Variants in RBP5 observed in about 807,000 individuals in gnomAD.
The protein encoded by RBP5 is retinol-binding protein 5.
RBP5 carries 12 observed loss-of-function variants against 17.8 expected under a neutral mutation model. The ratio of observed to expected loss-of-function variants is 0.67; its 90% CI spans 0.43 to 1.09. The LOEUF (loss-of-function observed/expected upper bound fraction) is 1.09. Ranked by LOEUF, RBP5 falls within the 50% of genes least tolerant of loss-of-function variation. The pLI, the probability that RBP5 is intolerant of heterozygous loss-of-function variation, is 0.00. For missense variants in RBP5, 172 were observed against 169.4 expected (o/e 1.02, Z -0.09); for synonymous variants, 64 against 68.1 (o/e 0.94, Z 0.30).
downstream of RBP5, among the ~76,000 whole-genome samples, chr12:7,119,890 G>A (rs930620657): frequency 1.3e-5 from 2 of 152,224 alleles, no homozygotes; most frequent in Admixed American, 1.3e-4. Context: ...GTAATAGGTG[G>A]CATTTCATGC....
chr12:7,126,988 ATTTTTTTT>A (rs35155124), intron 2 of RBP5, among the ~76,000 whole-genome samples: 3 of 86,514 alleles, frequency 3.5e-5, no homozygotes, highest in African/African-American at 4.6e-5. Context: ...GTACTTTTGT[ATTTTTTTT>A]TTTTTTTTTT....
chr12:7,126,510 G>GGTGGTGTGTGTGTGTGT (rs751535528), intron 2 of RBP5, among the ~76,000 whole-genome samples: 5 of 131,022 alleles, frequency 3.8e-5, no homozygotes, highest in African/African-American at 1.4e-4. Context: ...TGGTGGTGGT[G>GGTGGTGTGTGTGTGTGT]GTGTGTGTGT....
At chr12:7,120,179 C>G (rs767519932), downstream of RBP5, among the ~76,000 whole-genome samples, 3 of 152,154 alleles carry the variant, frequency 2.0e-5, no homozygotes, top group East Asian at 5.8e-4. Flanking sequence ...TCAAGAAGCC[C>G]TTGAGAAAGA....
intron 3 of RBP5, chr12:7,118,181 C>T (rs11053570): frequency 0.029 from 4,397 of 152,300 alleles, 97 homozygotes; most frequent in Non-Finnish European, 0.041. Context: ...CACCTGGCTG[C>T]CCCTTCACCT....
rs781740169 is a variant in RBP5, at chr12:7,128,242, G to A, written c.250C>T (p.Gln84Ter). The change falls in exon 2 of 4, where the codon CAG (glutamine) becomes TAG (stop). Residue 84 changes from glutamine (Q) to a stop codon, truncating the protein, a stop_gained and splice_region_variant. Coordinates refer to ENST00000266560, the MANE Select transcript of RBP5 (RefSeq NM_031491.4). LOFTEE classifies it high-confidence loss of function. This position sits in a 1 kb window ranked among gnomAD's most constrained non-coding sequence, Gnocchi z 5.3. The stretch of plus-strand genomic sequence containing the variant: ...CCGCCCAGCCAGGGGAAATGTACCT[G>A]GCATTTTCGTCCGTCCACGCTCCTG... ...DLRSVDGRKCQTIVTWEEEHL... is the reference protein window; with the variant it reads ...DLRSVDGRKC The A allele has an allele frequency of 2.5e-5, 40 of 1,608,668 alleles. No homozygotes were observed. The highest frequency in any genetic ancestry group is 2.8e-5 in the Non-Finnish European group (33 of 1,176,314).
upstream of RBP5, chr12:7,129,474 A>T: frequency 3.3e-6 from 1 of 305,280 alleles, no homozygotes; most frequent in Non-Finnish European, 4.8e-6. The surrounding 1 kb of genome is among the most constrained non-coding windows in gnomAD (Gnocchi z 5.5). Flanking sequence ...AGGGGTGCTG[A>T]GTTCAAAGTC....
At position 7,128,284 on chromosome 12, in the gene RBP5, C is replaced by G. The variant is rs7969705; in HGVS notation, c.208G>C (p.Glu70Gln). Residue 70 changes from glutamate (E) to glutamine (Q), a missense_variant, in exon 2 of 4, where the codon GAG becomes CAG. Glu to Gln is a conservative substitution (Grantham distance 29). Transcript: ENST00000266560. The surrounding 1 kb of genome is among the most constrained non-coding windows in gnomAD (Gnocchi z 5.3). ...NYTVQFDVGV[E>Q]FEEDLRSVDG... ...ACGCTCCTGAGGTCCTCCTCAAACTCCACTCCCACATCAAACTGCACAGTG... is the reference window on the plus strand; with the variant it reads ...ACGCTCCTGAGGTCCTCCTCAAACTGCACTCCCACATCAAACTGCACAGTG... 0.088 allele frequency: 142,545 copies of G among 1,613,982 alleles called. 7,468 individuals carry two copies. Among genetic ancestry groups the G allele is most frequent in the South Asian group, 0.21 (18,726 of 91,068 alleles).
In RBP5 at chr12:7,124,907, T is replaced by C. The variant is rs1939136087; in HGVS notation, c.253-177A>G. Among the ~76,000 whole-genome samples, 1 of 152,118 alleles carries C rather than the reference T, an allele frequency of 6.6e-6. No individual in the cohort carries two copies. The highest frequency in any genetic ancestry group is 6.5e-5 in the Admixed American group (1 of 15,268). On this transcript the variant is annotated intron_variant, in intron 2 of 3. Transcript: ENST00000266560. This position sits in a 1 kb window ranked among gnomAD's most constrained non-coding sequence, Gnocchi z 5.3. ...AGGACTCCCTTTCCACCCTACTCTT[T>C]GTTTTTTGTGTTTTTTTGAGACAAG...
In RBP5 at chr12:7,124,038, C is replaced by T. The variant is rs1012413235; in HGVS notation, c.*83G>A. On this transcript the variant is annotated 3_prime_UTR_variant, in exon 4 of 4. Transcript: ENST00000266560. The surrounding 1 kb of genome is among the most constrained non-coding windows in gnomAD (Gnocchi z 5.3). ...GTGGCCAGAGGAAGGGACAGCTGAC[C>T]TGGCACAATCTGGGCTTGAAGGGGG... is the stretch of plus-strand genomic sequence containing the variant. 72 of 1,355,186 alleles carry T rather than the reference C, an allele frequency of 5.3e-5. No individual in the cohort carries two copies. The highest frequency in any genetic ancestry group is 7.1e-5 in the Non-Finnish European group (67 of 944,618). The allele number at this position is 1,355,186 out of a possible 1,614,324, so 83.9% of individuals were successfully genotyped here.
chr12:7,126,044 C>A (rs1173244835), intron 2 of RBP5, among the ~76,000 whole-genome samples: 18 of 137,936 alleles, frequency 1.3e-4, no homozygotes, highest in Admixed American at 3.1e-4. Context: ...CCAGCCTGGG[C>A]AACACAGTGA....
downstream of RBP5, among the ~76,000 whole-genome samples, chr12:7,119,179 T>C (rs1044448606): frequency 9.2e-6 from 1 of 109,268 alleles, no homozygotes; most frequent in Non-Finnish European, 1.7e-5. Flanking sequence ...TTGAATGAGA[T>C]AGCAGTACGT....
chr12:7,124,117 C>T lies in RBP5; in HGVS notation c.*4G>A, dbSNP rs201416927. The T allele has an allele frequency of 6.2e-7, 1 of 1,613,918 alleles. No individual in the cohort carries two copies. The highest frequency in any genetic ancestry group is 2.2e-5 in the East Asian group (1 of 44,878). Reference sequence around the variant, plus strand: ...TGTCTGGAGGGATCTTGGCTCCTCTCCGGCTATCTGACCTTCCTGAAGACC... The same window carrying T: ...TGTCTGGAGGGATCTTGGCTCCTCTTCGGCTATCTGACCTTCCTGAAGACC... On this transcript the variant is annotated 3_prime_UTR_variant, in exon 4 of 4. Transcript: ENST00000266560. The surrounding 1 kb of genome is among the most constrained non-coding windows in gnomAD (Gnocchi z 5.3).
downstream of RBP5, chr12:7,119,536 A>G (rs942127997): frequency 6.5e-6 from 1 of 154,808 alleles, no homozygotes; most frequent in Non-Finnish European, 1.5e-5. Context: ...TGATGGCTAC[A>G]CTAGCCCCCA....
At position 7,124,176 on chromosome 12, in the gene RBP5, T is replaced by TGGGGAGAGAGGGGAAGTGAG; in HGVS notation, c.355-22_355-3dup. ...CACTGCATCCCTTGCAGTCAGTTCC[T>TGGGGAGAGAGGGGAAGTGAG]GGGGAGAGAGGGGAAGTGAGGGGGA... On this transcript the variant is annotated splice_polypyrimidine_tract_variant and splice_region_variant and intron_variant, in intron 3 of 3. Transcript: ENST00000266560. This position sits in a 1 kb window ranked among gnomAD's most constrained non-coding sequence, Gnocchi z 5.3. 2 of 1,613,954 alleles carry TGGGGAGAGAGGGGAAGTGAG rather than the reference T, an allele frequency of 1.2e-6. No individual in the cohort carries two copies. The highest frequency in any genetic ancestry group is 1.7e-6 in the Non-Finnish European group (2 of 1,179,962).
downstream of RBP5, among the ~76,000 whole-genome samples, chr12:7,123,040 C>T (rs1172327037): frequency 6.6e-6 from 1 of 152,084 alleles, no homozygotes; most frequent in African/African-American, 2.4e-5. Context: ...CTCCCTCAAC[C>T]CTTCCCCCAG....
Position 7,124,430 on chromosome 12 carries a change from A to T in RBP5, c.354+199T>A, listed in dbSNP as rs775780332. Reference sequence around the variant, plus strand: ...ATTTATGGGCATTCATCCGACTCGTAGCCAGGGCCCACCTTGGCCACTCTG... The same window carrying T: ...ATTTATGGGCATTCATCCGACTCGTTGCCAGGGCCCACCTTGGCCACTCTG... On this transcript the variant is annotated intron_variant, in intron 3 of 3. Coordinates refer to ENST00000266560, the MANE Select transcript of RBP5 (RefSeq NM_031491.4). The surrounding 1 kb of genome is among the most constrained non-coding windows in gnomAD (Gnocchi z 5.3). Among the ~76,000 whole-genome samples the T allele has an allele frequency of 6.6e-6, 1 of 152,142 alleles. No individual in the cohort carries two copies. Among genetic ancestry groups the T allele is most frequent in the Non-Finnish European group, 1.5e-5 (1 of 68,010 alleles).
chr12:7,119,958 G>A (rs1374475979), downstream of RBP5, among the ~76,000 whole-genome samples: 2 of 152,196 alleles, frequency 1.3e-5, no homozygotes, highest in Non-Finnish European at 2.9e-5. Flanking sequence ...TTCCTCTAGA[G>A]CCTCTGAGGC....
chr12:7,124,774 A>G lies in RBP5; in HGVS notation c.253-44T>C, dbSNP rs745379365. 2 of 1,160,634 alleles carry G rather than the reference A, an allele frequency of 1.7e-6. No individual in the cohort carries two copies. Among genetic ancestry groups the G allele is most frequent in the Non-Finnish European group, 2.6e-6 (2 of 768,874 alleles). 71.9% of individuals were successfully genotyped at this position (1,160,634 alleles called of 1,614,324 possible). ...GTAAAGAAAGATTAGGAGGCAGGACACTCAAAATGCTTCCCATCTCACTCT... is the reference window on the plus strand; with the variant it reads ...GTAAAGAAAGATTAGGAGGCAGGACGCTCAAAATGCTTCCCATCTCACTCT... On this transcript the variant is annotated intron_variant, in intron 2 of 3. Coordinates refer to ENST00000266560, the MANE Select transcript of RBP5 (RefSeq NM_031491.4). The surrounding 1 kb of genome is among the most constrained non-coding windows in gnomAD (Gnocchi z 5.3).
chr12:7,128,202 G>A lies in RBP5; in HGVS notation c.252+38C>T. ...CATGTTGTTAGGAGTCTCCTGTGAT[G>A]CCTCCTTCCGGCCACCGCCCAGCCA... is the stretch of plus-strand genomic sequence containing the variant. On this transcript the variant is annotated intron_variant, in intron 2 of 3. Coordinates refer to ENST00000266560, the MANE Select transcript of RBP5 (RefSeq NM_031491.4). This position sits in a 1 kb window ranked among gnomAD's most constrained non-coding sequence, Gnocchi z 5.3. 6.4e-7 allele frequency: 1 copy of A among 1,573,346 alleles called. No individual in the cohort carries two copies. Among genetic ancestry groups the A allele is most frequent in the Admixed American group, 1.7e-5 (1 of 57,280 alleles).
Sources: allele counts gnomAD v4.1 joint callset (sites outside exome capture counted in the v4.1 genomes callset), GRCh38; gene constraint gnomAD v4.1.1; non-coding constraint Gnocchi (gnomAD v3.1); transcripts MANE v1.5; gene names NCBI Gene and HGNC (gene_info 2026-07-23, HGNC 2026-07-21).